Variants in MED6 observed in about 807,000 individuals in gnomAD.
The protein encoded by MED6 is mediator complex subunit 6.
In MED6, 33 loss-of-function variants were observed where a neutral mutation model predicts 37.5. That is an observed-to-expected ratio of 0.88 (90% CI 0.67 to 1.18). The LOEUF (loss-of-function observed/expected upper bound fraction) is 1.18. Among genes scored for constraint, MED6 ranks in the 50% most tolerant of loss-of-function variants. MED6 has a pLI of 0.00. For missense variants in MED6, 235 were observed against 290.6 expected (o/e 0.81, Z 1.39); for synonymous variants, 94 against 93.6 (o/e 1.00, Z -0.02).
chr14:70,595,401 G>T, intron 3 of MED6: 1 of 568,972 alleles, frequency 1.8e-6, no homozygotes. Context: ...GTCTGCCAAG[G>T]TTGGGGTTGC....
At position 70,585,757 on chromosome 14, in the gene MED6, TG is replaced by T. The variant is rs750369522; in HGVS notation, c.608del (p.Pro203GlnfsTer16). The stretch of plus-strand genomic sequence containing the variant: ...ATAAGAATATTACATGAACCATACC[TG>T]GAACAGGCTTTTCTCCAGGCTTTAG... ...VQLKPGEKPV[P>X]VDQTKKEAEP... On this transcript the variant is annotated frameshift_variant and splice_region_variant, in exon 7 of 8. Coordinates refer to ENST00000256379, the MANE Select transcript of MED6 (RefSeq NM_005466.4). LOFTEE classifies it high-confidence loss of function. 1 of 1,600,702 alleles carries T rather than the reference TG, an allele frequency of 6.2e-7. No individual in the cohort carries two copies. The highest frequency in any genetic ancestry group is 1.1e-5 in the South Asian group (1 of 87,788).
At chr14:70,588,794 C>T (rs1397406552) in intron 6 of MED6, among the ~76,000 whole-genome samples, 1 of 151,188 alleles carries the variant, frequency 6.6e-6, no homozygotes. Context: ...ATTTTGATAA[C>T]TGTTGAGGCA....
chr14:70,589,872 A>G (rs1369658547), intron 6 of MED6, among the ~76,000 whole-genome samples: 1 of 152,190 alleles, frequency 6.6e-6, no homozygotes, highest in African/African-American at 2.4e-5. Context: ...CTGGTTTTGC[A>G]TGTTCTATTA....
At position 70,597,770 on chromosome 14, in the gene MED6, C is replaced by A; in HGVS notation, c.30G>T (p.Leu10=). The change falls in exon 2 of 8, where the codon CTG becomes CTT. Residue 10 remains leucine, a synonymous_variant. Transcript: ENST00000256379. ...AGCTGTCAACCCAAGAAATTCCCAG[C>A]AGATTGTCTATGGGAAAGAAAACAA... is the stretch of plus-strand genomic sequence containing the variant. MAAVDIRDN[L]LGISWVDSSW... is the part of the protein sequence containing the mutation. 3.9e-6 allele frequency: 6 copies of A among 1,547,864 alleles called. No individual in the cohort carries two copies. The highest frequency in any genetic ancestry group is 5.2e-6 in the Non-Finnish European group (6 of 1,159,818).
At chr14:70,595,095 C>T (rs1885002729) in intron 3 of MED6, 10 of 536,128 alleles carry the variant, frequency 1.9e-5, no homozygotes, top group South Asian at 1.5e-4. Context: ...TGGAGAGCAA[C>T]ATCCATGGGC....
At position 70,593,345 on chromosome 14, in the gene MED6, C is replaced by T. The variant is rs1884941298; in HGVS notation, c.308G>A (p.Gly103Glu). 1.9e-6 allele frequency: 3 copies of T among 1,613,880 alleles called. No homozygotes were observed. The highest frequency in any genetic ancestry group is 2.5e-6 in the Non-Finnish European group (3 of 1,179,870). The change falls in exon 4 of 8, where the codon GGA becomes GAA. Residue 103 changes from glycine to glutamate, a missense_variant. Coordinates refer to ENST00000256379, the MANE Select transcript of MED6 (RefSeq NM_005466.4). The stretch of plus-strand genomic sequence containing the variant: ...CAAGTCTGGTGCCTGATAGATCACT[C>T]CAGCAATGATATAGTAATCAGCTAG... The part of the protein sequence containing the change: ...IPLADYYIIA[G>E]VIYQAPDLGS...
At position 70,592,927 on chromosome 14, in the gene MED6, T is replaced by C; in HGVS notation, c.419A>G (p.His140Arg). 6.2e-7 allele frequency: 1 copy of C among 1,613,984 alleles called. No individual in the cohort carries two copies. Among genetic ancestry groups the C allele is most frequent in the South Asian group, 1.1e-5 (1 of 91,084 alleles). Residue 140 changes from histidine (H) to arginine (R), a missense_variant, in exon 5 of 8, where the codon CAT (histidine) becomes CGT (arginine). His to Arg is a conservative substitution (Grantham distance 29). Coordinates refer to ENST00000256379, the MANE Select transcript of MED6 (RefSeq NM_005466.4). ...FDEAMSYCRY[H>R]PSKGYWWHFK... ...GTGCCACCAATACCCTTTGGAAGGATGATATCGACAGTATGACATAGCTTC... is the reference window on the plus strand; with the variant it reads ...GTGCCACCAATACCCTTTGGAAGGACGATATCGACAGTATGACATAGCTTC...
rs1884614151 is a variant in MED6, at chr14:70,583,732, A to C, written c.*1081T>G. ...TAAAACAGTCTATAAAAACTACATAAACATGGGGAAAAGCTTACAACAGAT... is the reference window on the plus strand; with the variant it reads ...TAAAACAGTCTATAAAAACTACATACACATGGGGAAAAGCTTACAACAGAT... On this transcript the variant is annotated 3_prime_UTR_variant, in exon 8 of 8. Coordinates refer to ENST00000256379, the MANE Select transcript of MED6 (RefSeq NM_005466.4). 1 of 184,106 alleles carries C rather than the reference A, an allele frequency of 5.4e-6. No homozygotes were observed. Among genetic ancestry groups the C allele is most frequent in the South Asian group, 1.9e-4 (1 of 5,132 alleles). The allele number at this position is 184,106 out of a possible 1,614,324, so 11.4% of individuals were successfully genotyped here.
At chr14:70,592,535 C>T (rs1884910657) in intron 5 of MED6, 1 of 125,580 alleles carries the variant, frequency 8.0e-6, no homozygotes, top group Non-Finnish European at 1.5e-5. Flanking sequence ...ACTATGTTGC[C>T]CAAGCTGATC....
intron 7 of MED6, among the ~76,000 whole-genome samples, chr14:70,585,410 C>A (rs2153114): frequency 0.35 from 53,074 of 151,984 alleles, 11,831 homozygotes; most frequent in African/African-American, 0.62. Context: ...AGTTCAGCAG[C>A]TCTCAAAGAT....
intron 6 of MED6, among the ~76,000 whole-genome samples, chr14:70,588,703 T>TAAC (rs1276743589): frequency 2.0e-4 from 15 of 74,944 alleles, no homozygotes; most frequent in Non-Finnish European, 2.8e-4. Context: ...ATAATAATAA[T>TAAC]AATAATAATA....
chr14:70,591,451 T>C, intron 5 of MED6, 70 bp from the exon 6 acceptor site: 2 of 1,229,462 alleles, frequency 1.6e-6, no homozygotes, highest in South Asian at 2.6e-5. Flanking sequence ...TACAAATCTT[T>C]ATCCACCATG....
chr14:70,598,174 AT>A (rs1389262566), intron 1 of MED6, among the ~76,000 whole-genome samples: 1 of 152,032 alleles, frequency 6.6e-6, no homozygotes, highest in Admixed American at 6.6e-5. Flanking sequence ...CATGCCCATA[AT>A]CCCAGCTACT....
In MED6 at chr14:70,596,670, T is replaced by C; in HGVS notation, c.215A>G (p.His72Arg). 2.5e-6 allele frequency: 4 copies of C among 1,614,034 alleles called. No homozygotes were observed. The highest frequency in any genetic ancestry group is 2.2e-5 in the South Asian group (2 of 91,076). ...QMVGIEYILL[H>R]AQEPILFIIR... Reference sequence around the variant, plus strand: ...GATGAAAAGAATGGGCTCTTGAGCATGCAAAAGGATGTACTCGATTCCAAC... The same window carrying C: ...GATGAAAAGAATGGGCTCTTGAGCACGCAAAAGGATGTACTCGATTCCAAC... Residue 72 changes from histidine to arginine, a missense_variant, in exon 3 of 8, where the codon CAT becomes CGT. Transcript: ENST00000256379.
intron 1 of MED6, among the ~76,000 whole-genome samples, chr14:70,598,474 CAA>C (rs34441603): frequency 6.9e-6 from 1 of 144,184 alleles, no homozygotes; most frequent in African/African-American, 2.5e-5. Context: ...GACTCCGTCT[CAA>C]AAAAAAAAGA....
rs59233924 is a variant in MED6, at chr14:70,583,943, A to G, written c.*870T>C. The G allele has an allele frequency of 0.12, 52,991 of 442,446 alleles. 5,024 individuals carry two copies. Among genetic ancestry groups the G allele is most frequent in the East Asian group, 0.44 (12,921 of 29,660 alleles). The allele number at this position is 442,446 out of a possible 1,614,324, so 27.4% of individuals were successfully genotyped here. A position where few individuals can be genotyped will look rare whatever the true frequency, so the allele number is the denominator to read the frequency against. On this transcript the variant is annotated 3_prime_UTR_variant, in exon 8 of 8. Coordinates refer to ENST00000256379, the MANE Select transcript of MED6 (RefSeq NM_005466.4). ...ATCAATGCTGGACTTCTCAGCCTCC[A>G]TAACTTTAAAAAAAATAAAATTCCT... is the stretch of plus-strand genomic sequence containing the variant.
chr14:70,585,918 TGTGAA>T, intron 6 of MED6, 135 bp from the exon 7 acceptor site: 2 of 643,298 alleles, frequency 3.1e-6, no homozygotes, highest in Non-Finnish European at 5.1e-6. Context: ...CAAATGACTT[TGTGAA>T]GAAAAGCTAC....
intron 1 of MED6, among the ~76,000 whole-genome samples, chr14:70,599,558 G>A (rs1885143816): frequency 6.6e-6 from 1 of 152,066 alleles, no homozygotes; most frequent in South Asian, 2.1e-4. Flanking sequence ...CCTTATCATA[G>A]CTTTCAACAC....
chr14:70,583,981 A>G lies in MED6; in HGVS notation c.*832T>C. 2.3e-6 allele frequency: 1 copy of G among 435,258 alleles called. No individual in the cohort carries two copies. The highest frequency in any genetic ancestry group is 4.0e-6 in the Non-Finnish European group (1 of 247,162). 27.0% of individuals were successfully genotyped at this position (435,258 alleles called of 1,614,324 possible). A position where few individuals can be genotyped will look rare whatever the true frequency, so the allele number is the denominator to read the frequency against. Reference sequence around the variant, plus strand: ...AAATAAAATTCCTTTTCTTTATTGAAAAAAGAAGTATCTACACACAGAATA... The same window carrying G: ...AAATAAAATTCCTTTTCTTTATTGAGAAAAGAAGTATCTACACACAGAATA... On this transcript the variant is annotated 3_prime_UTR_variant, in exon 8 of 8. Transcript: ENST00000256379.
Sources: gnomAD v4.1 joint callset for allele counts (sites outside exome capture counted in the v4.1 genomes callset) on GRCh38, gnomAD v4.1.1 for gene constraint, MANE v1.5 for transcripts, NCBI Gene and HGNC (gene_info 2026-07-23, HGNC 2026-07-21) for gene names.